Variants in HS3ST4 observed in about 807,000 individuals in gnomAD.
HS3ST4 encodes the protein heparan sulfate glucosamine 3-O-sulfotransferase 4.
Under a neutral mutation model 29.2 loss-of-function variants are expected in HS3ST4, and 17 were observed. The observed-to-expected ratio is 0.58, with a 90% confidence interval of 0.40 to 0.87. The LOEUF is 0.87. Among genes scored for constraint, HS3ST4 ranks in the 40% least tolerant of loss-of-function variants. HS3ST4 has a pLI of 0.00. For missense variants in HS3ST4, 627 were observed against 634.5 expected (o/e 0.99, Z 0.13); for synonymous variants, 314 against 285.7 (o/e 1.10, Z -1.00).
At chr16:25,999,351 G>A (rs1969185125) in intron 1 of HS3ST4, among the ~76,000 whole-genome samples, 1 of 152,118 alleles carries the variant, frequency 6.6e-6, no homozygotes, top group Non-Finnish European at 1.5e-5. Flanking sequence ...TGCTGCTAGG[G>A]TTAGCTGTGG....
chr16:26,023,274 A>G (rs977830950), intron 1 of HS3ST4, among the ~76,000 whole-genome samples: 1 of 151,948 alleles, frequency 6.6e-6, no homozygotes, highest in African/African-American at 2.4e-5. Flanking sequence ...TATGGTGACT[A>G]TATATACATA....
intron 1 of HS3ST4, among the ~76,000 whole-genome samples, chr16:25,914,243 T>A (rs1175508001): frequency 6.9e-6 from 1 of 145,262 alleles, no homozygotes; most frequent in Non-Finnish European, 1.5e-5. Context: ...GTAAGTGATG[T>A]GGTATATGTG....
chr16:26,117,095 T>G (rs1466213067), intron 1 of HS3ST4, among the ~76,000 whole-genome samples: 1 of 152,186 alleles, frequency 6.6e-6, no homozygotes, highest in Non-Finnish European at 1.5e-5. Context: ...GAGAGCTTTT[T>G]AAAAAATACC....
intron 1 of HS3ST4, among the ~76,000 whole-genome samples, chr16:25,787,697 G>C (rs1016458250): frequency 1.3e-5 from 2 of 152,218 alleles, no homozygotes; most frequent in Non-Finnish European, 2.9e-5. Context: ...GGCTGAGGTG[G>C]AAGTATCGCT....
At chr16:25,693,402 A>T (rs1310110004) in intron 1 of HS3ST4, among the ~76,000 whole-genome samples, 1 of 152,010 alleles carries the variant, frequency 6.6e-6, no homozygotes, top group Non-Finnish European at 1.5e-5. Context: ...CTCCTCATCC[A>T]AGGAGGTGCT....
intron 1 of HS3ST4, among the ~76,000 whole-genome samples, chr16:26,030,714 G>A (rs879825191): frequency 3.3e-5 from 5 of 152,142 alleles, no homozygotes; most frequent in Non-Finnish European, 5.9e-5. Flanking sequence ...GTGAGACCTG[G>A]CATCTGCTGG....
At chr16:26,069,655 C>T (rs12445348) in intron 1 of HS3ST4, among the ~76,000 whole-genome samples, 49,032 of 151,130 alleles carry the variant, frequency 0.32, 8,244 homozygotes, top group Middle Eastern at 0.39. Context: ...ATGCTGCACC[C>T]ATTAACTTGT....
intron 1 of HS3ST4, among the ~76,000 whole-genome samples, chr16:26,004,130 A>G (rs1330643561): frequency 2.0e-5 from 3 of 152,100 alleles, no homozygotes; most frequent in African/African-American, 7.2e-5. Context: ...TGTTCATGCC[A>G]CCTTGTAGTC....
intron 1 of HS3ST4, among the ~76,000 whole-genome samples, chr16:25,913,257 C>A (rs1398918439): frequency 1.3e-5 from 2 of 152,234 alleles, no homozygotes; most frequent in Non-Finnish European, 2.9e-5. Flanking sequence ...TGTGCTGAAA[C>A]CTAACCCCCC....
intron 1 of HS3ST4, among the ~76,000 whole-genome samples, chr16:26,071,183 T>C (rs1199476083): frequency 1.3e-5 from 2 of 152,210 alleles, no homozygotes; most frequent in Non-Finnish European, 2.9e-5. Flanking sequence ...ACCCTGGAGA[T>C]GCAATTCTTT....
intron 1 of HS3ST4, among the ~76,000 whole-genome samples, chr16:26,035,058 A>T (rs1969570703): frequency 6.6e-6 from 1 of 152,228 alleles, no homozygotes; most frequent in Non-Finnish European, 1.5e-5. Flanking sequence ...TCTGTGCAAG[A>T]CATTGATATA....
At chr16:25,871,040 T>C (rs1266412602) in intron 1 of HS3ST4, among the ~76,000 whole-genome samples, 2 of 152,190 alleles carry the variant, frequency 1.3e-5, no homozygotes, top group African/African-American at 2.4e-5. Context: ...GTAGAATACA[T>C]TGGGTAGAAT....
At chr16:26,007,538 C>G (rs1001259560) in intron 1 of HS3ST4, among the ~76,000 whole-genome samples, 1 of 152,102 alleles carries the variant, frequency 6.6e-6, no homozygotes, top group African/African-American at 2.4e-5. Flanking sequence ...TGAAAGTGTC[C>G]CGGAATTCAG....
chr16:25,809,062 T>C (rs945314900), intron 1 of HS3ST4, among the ~76,000 whole-genome samples: 2 of 152,168 alleles, frequency 1.3e-5, no homozygotes, highest in African/African-American at 2.4e-5. Flanking sequence ...TGGTTCTTCC[T>C]TTCCGATATC....
At chr16:25,910,041 C>G (rs547614086) in intron 1 of HS3ST4, among the ~76,000 whole-genome samples, 1 of 152,158 alleles carries the variant, frequency 6.6e-6, no homozygotes, top group South Asian at 2.1e-4. Flanking sequence ...TGTGCACTGG[C>G]CAAAGATGCC....
intron 1 of HS3ST4, among the ~76,000 whole-genome samples, chr16:26,110,378 G>A (rs566358875): frequency 1.3e-5 from 2 of 152,088 alleles, no homozygotes; most frequent in South Asian, 2.1e-4. Context: ...GGATGTAGAC[G>A]AGGCATCTCA....
chr16:25,824,374 G>A (rs1185733416), intron 1 of HS3ST4, among the ~76,000 whole-genome samples: 1 of 152,174 alleles, frequency 6.6e-6, no homozygotes. Flanking sequence ...ACATACCCGA[G>A]ACTGGGTAAT....
rs1371928058 is a variant in HS3ST4 at position 25,828,242 on chromosome 16, C to CTATCTT, written c.734+135092_734+135093insATCTTT. On this transcript the variant is annotated intron_variant, in intron 1 of 1. Transcript: ENST00000331351. ...CTTTCCTTTCTTTCTTTCTTTCTTT[C>CTATCTT]TCTTTCTTTCTTTCTTTCTTTCTTT... Among the ~76,000 whole-genome samples, 10 of 75,030 alleles carry CTATCTT rather than the reference C, an allele frequency of 1.3e-4. No homozygotes were observed. The East Asian group carries it at 2.2e-3, about 17-fold the overall frequency. 49.2% of individuals were successfully genotyped at this position (75,030 alleles called of 152,430 possible).
intron 1 of HS3ST4, among the ~76,000 whole-genome samples, chr16:25,697,335 T>C (rs540984701): frequency 6.6e-6 from 1 of 152,192 alleles, no homozygotes; most frequent in Non-Finnish European, 1.5e-5. Flanking sequence ...CAGAGCTGTT[T>C]TGTCTAGTAT....
Sources: gnomAD v4.1 joint callset for allele counts (sites outside exome capture counted in the v4.1 genomes callset) on GRCh38, gnomAD v4.1.1 for gene constraint, MANE v1.5 for transcripts, NCBI Gene and HGNC (gene_info 2026-07-23, HGNC 2026-07-21) for gene names.